RAB38: variants seen among roughly 807,000 people sequenced by gnomAD.
RAB38 encodes ras-related protein Rab-38.
Under a neutral mutation model 18.4 loss-of-function variants are expected in RAB38, and 15 were observed. The ratio of observed to expected loss-of-function variants is 0.82; its 90% CI spans 0.55 to 1.26. The LOEUF is 1.26. RAB38 is among the 50% of genes most tolerant of loss of function. RAB38 has a pLI of 0.00. For missense variants in RAB38, 294 were observed against 267.4 expected (o/e 1.10, Z -0.69); for synonymous variants, 101 against 104.4 (o/e 0.97, Z 0.20).
chr11:87,813,677 A>G, the RAB38 span, among the ~76,000 whole-genome samples: 1 of 152,144 alleles, frequency 6.6e-6, no homozygotes, highest in African/African-American at 2.4e-5. Flanking sequence ...TATTAAAGCA[A>G]CTTTCGTACC....
chr11:88,157,316 C>G (rs747365993), intron 1 of RAB38, among the ~76,000 whole-genome samples: 3 of 152,154 alleles, frequency 2.0e-5, no homozygotes, highest in Non-Finnish European at 4.4e-5. Context: ...ATATTATGCA[C>G]ACAACATTGG....
chr11:87,970,786 A>C, the RAB38 span, among the ~76,000 whole-genome samples: 2 of 152,086 alleles, frequency 1.3e-5, no homozygotes, highest in African/African-American at 4.8e-5. Context: ...CTGACGGGTG[A>C]AGAGTTAGGG....
the RAB38 span, among the ~76,000 whole-genome samples, chr11:87,934,587 A>G: frequency 6.6e-6 from 1 of 152,224 alleles, no homozygotes; most frequent in South Asian, 2.1e-4. Flanking sequence ...GCAATGCTAA[A>G]TTACTTTCCT....
chr11:88,052,689 G>C, the RAB38 span, among the ~76,000 whole-genome samples: 1 of 151,250 alleles, frequency 6.6e-6, no homozygotes, highest in Non-Finnish European at 1.5e-5. Context: ...CTATGCTCCT[G>C]GCAGTTTCCC....
intron 1 of RAB38, chr11:88,165,643 A>G (rs1943236486): frequency 6.6e-6 from 1 of 152,188 alleles, no homozygotes. Context: ...ATACATCAGA[A>G]TAACACAAAC....
the RAB38 span, among the ~76,000 whole-genome samples, chr11:87,975,668 T>C: frequency 6.6e-6 from 1 of 151,812 alleles, no homozygotes; most frequent in South Asian, 2.1e-4. Context: ...TTAAATGAAA[T>C]TATTGAGAGA....
chr11:88,022,727 CT>C, the RAB38 span, among the ~76,000 whole-genome samples: 3 of 149,672 alleles, frequency 2.0e-5, no homozygotes, highest in Non-Finnish European at 4.4e-5. Flanking sequence ...TGATATCATT[CT>C]TTTTTATAGC....
rs1487944951 is a variant in RAB38, at chr11:88,171,880, ACT to A, written c.202+3301_202+3302del. On this transcript the variant is annotated intron_variant, in intron 1 of 2. Transcript: ENST00000243662. Reference sequence around the variant, plus strand: ...CCCTAAATGACCTATTTTTTTAAAAACTCTATAAATTCACATCCTAATCAAGA... The same window carrying A: ...CCCTAAATGACCTATTTTTTTAAAAACTATAAATTCACATCCTAATCAAGA... Among the ~76,000 whole-genome samples the A allele has an allele frequency of 2.0e-5, 3 of 152,214 alleles. No homozygotes were observed. In the East Asian group the frequency reaches 5.8e-4, roughly 29 times the overall value.
chr11:87,839,312 A>AT, the RAB38 span, among the ~76,000 whole-genome samples: 1 of 152,214 alleles, frequency 6.6e-6, no homozygotes, highest in African/African-American at 2.4e-5. Context: ...ATACAATAAT[A>AT]CTTTGTTAAT....
chr11:87,849,565 T>C, the RAB38 span, among the ~76,000 whole-genome samples: 2 of 152,150 alleles, frequency 1.3e-5, no homozygotes, highest in African/African-American at 4.8e-5. Flanking sequence ...ACACCCTCTG[T>C]ACCTCCCTAA....
At chr11:88,067,034 T>G in the RAB38 span, among the ~76,000 whole-genome samples, 1 of 152,302 alleles carries the variant, frequency 6.6e-6, no homozygotes, top group African/African-American at 2.4e-5. Flanking sequence ...GTTTAGAATA[T>G]TTCTTGGTAT....
the RAB38 span, among the ~76,000 whole-genome samples, chr11:88,037,029 C>T: frequency 1.3e-5 from 2 of 151,860 alleles, no homozygotes; most frequent in Non-Finnish European, 2.9e-5. Context: ...TATTTCTATG[C>T]TTTGGAACAA....
chr11:88,051,342 GCA>G, the RAB38 span, among the ~76,000 whole-genome samples: 5 of 152,034 alleles, frequency 3.3e-5, no homozygotes, highest in Admixed American at 2.6e-4. Flanking sequence ...GGCAGTACAT[GCA>G]TAGATCTGAT....
chr11:88,131,802 A>G (rs1056934439), intron 2 of RAB38, among the ~76,000 whole-genome samples: 6 of 152,246 alleles, frequency 3.9e-5, no homozygotes, highest in African/African-American at 1.2e-4. Context: ...AGGACAGCAT[A>G]GTCAGTCCCT....
At chr11:88,134,098 A>T (rs766974007) in intron 2 of RAB38, among the ~76,000 whole-genome samples, 2 of 152,232 alleles carry the variant, frequency 1.3e-5, no homozygotes, top group Non-Finnish European at 2.9e-5. Context: ...CTGCAGAATC[A>T]TACATAACTA....
the RAB38 span, among the ~76,000 whole-genome samples, chr11:88,046,422 G>A: frequency 6.6e-6 from 1 of 152,098 alleles, no homozygotes; most frequent in Non-Finnish European, 1.5e-5. Context: ...CCGTTATTCT[G>A]TTCTGGATCT....
the RAB38 span, among the ~76,000 whole-genome samples, chr11:87,930,439 G>A: frequency 6.6e-6 from 1 of 151,878 alleles, no homozygotes; most frequent in African/African-American, 2.4e-5. Context: ...AAATTTGTTT[G>A]AGTTCATTGT....
At chr11:88,051,419 A>G in the RAB38 span, among the ~76,000 whole-genome samples, 2 of 152,096 alleles carry the variant, frequency 1.3e-5, no homozygotes, top group East Asian at 3.9e-4. Context: ...TAGGTCCACC[A>G]TACTAGGTGG....
the RAB38 span, among the ~76,000 whole-genome samples, chr11:88,033,374 CAAT>C: frequency 2.6e-4 from 32 of 123,838 alleles, no homozygotes; most frequent in Admixed American, 1.3e-3. Context: ...ACTTAAAGTA[CAAT>C]AATAATAAAA....
Sources: gnomAD v4.1 joint callset for allele counts (sites outside exome capture counted in the v4.1 genomes callset) on GRCh38, gnomAD v4.1.1 for gene constraint, MANE v1.5 for transcripts, NCBI Gene and HGNC (gene_info 2026-07-23, HGNC 2026-07-21) for gene names.